Variants in AMOTL1 observed in about 807,000 individuals in gnomAD.
The protein encoded by AMOTL1 is angiomotin-like protein 1.
A neutral mutation model predicts 102.9 loss-of-function variants in AMOTL1; 45 were observed. The observed-to-expected ratio is 0.44, with a 90% CI of 0.34 to 0.56. The LOEUF is 0.56. Ranked by LOEUF, AMOTL1 falls within the 20% of genes least tolerant of loss-of-function variation. The probability of loss-of-function intolerance (pLI) is 0.01; values close to 1 mark genes in which losing one functional copy is unlikely to be tolerated. For synonymous variants in AMOTL1, 481 were observed against 484.7 expected (o/e 0.99, Z 0.10); for missense variants, 1,114 against 1,225.6 (o/e 0.91, Z 1.36).
upstream of AMOTL1, among the ~76,000 whole-genome samples, chr11:94,767,761 G>A (rs554660499): frequency 1.3e-5 from 2 of 152,192 alleles, no homozygotes; most frequent in African/African-American, 4.8e-5. Flanking sequence ...CTCTACTCAG[G>A]CAGATAACAG....
At chr11:94,790,898 A>G (rs189892769) in intron 1 of AMOTL1, among the ~76,000 whole-genome samples, 6 of 152,334 alleles carry the variant, frequency 3.9e-5, no homozygotes, top group African/African-American at 1.4e-4. Context: ...GGAGTGGCTC[A>G]CCACGGTTTC....
rs1950292450 is a variant in AMOTL1, at chr11:94,728,340, A to G, written c.-50-581A>G. Among the ~76,000 whole-genome samples, 2 of 152,136 alleles carry G rather than the reference A, an allele frequency of 1.3e-5. 1 individual carries two copies. Among genetic ancestry groups the G allele is most frequent in the Non-Finnish European group, 2.9e-5 (2 of 68,022 alleles). On this transcript the variant is annotated intron_variant, in intron 1 of 4. Coordinates refer to the AMOTL1 transcript ENST00000299004. The stretch of plus-strand genomic sequence containing the variant: ...AGAGCCCTTGTAACTGTGCCTTTCT[A>G]TTATAGTTTTCAAAAGGAAAAGGAA...
Position 94,799,242 on chromosome 11 carries a change from A to G in AMOTL1, c.200-148A>G. On this transcript the variant is annotated intron_variant, in intron 2 of 12. Transcript: ENST00000433060. The surrounding 1 kb of genome is among the most constrained non-coding windows in gnomAD (Gnocchi z 4.5). Reference sequence around the variant, plus strand: ...ATTGGAGAAGAAAATTCCATGAGACATTGCCAGGTAAATGGAGGTGATGAT... The same window carrying G: ...ATTGGAGAAGAAAATTCCATGAGACGTTGCCAGGTAAATGGAGGTGATGAT... 1.4e-6 allele frequency: 1 copy of G among 699,404 alleles called. No individual in the cohort carries two copies. Among genetic ancestry groups the G allele is most frequent in the Non-Finnish European group, 2.3e-6 (1 of 429,188 alleles). The allele number at this position is 699,404 out of a possible 1,614,324, so 43.3% of individuals were successfully genotyped here. A position where few individuals can be genotyped will look rare whatever the true frequency, so the allele number is the denominator to read the frequency against.
Position 94,795,105 on chromosome 11 carries a change from G to T in AMOTL1, c.144G>T (p.Arg48Ser). 4 of 1,613,910 alleles carry T rather than the reference G, an allele frequency of 2.5e-6. No individual in the cohort carries two copies. The highest frequency in any genetic ancestry group is 2.5e-6 in the Non-Finnish European group (3 of 1,179,844). ...FSPDFQLYSG[R>S]HETSALTVEA... Reference sequence around the variant, plus strand: ...CAGACTTTCAGCTCTATTCTGGGAGGCATGAAACATCTGCTTTGACGGTGG... The same window carrying T: ...CAGACTTTCAGCTCTATTCTGGGAGTCATGAAACATCTGCTTTGACGGTGG... The change falls in exon 2 of 13, where the codon AGG becomes AGT. Residue 48 changes from arginine to serine, a missense_variant. Transcript: ENST00000433060.
intron 1 of AMOTL1, among the ~76,000 whole-genome samples, chr11:94,711,758 T>G (rs1950025366): frequency 6.6e-6 from 1 of 152,152 alleles, no homozygotes; most frequent in African/African-American, 2.4e-5. Flanking sequence ...GTTATGCGTA[T>G]CAATAGTTGG....
intron 3 of AMOTL1, among the ~76,000 whole-genome samples, chr11:94,758,557 G>T (rs944526075): frequency 9.2e-5 from 14 of 152,120 alleles, no homozygotes; most frequent in Non-Finnish European, 1.9e-4. Context: ...GTGTTTAAAG[G>T]CAACAAAAGG....
rs977614205 is a variant in AMOTL1 at position 94,707,987 on chromosome 11, T to C, written c.-51+1390T>C. Among the ~76,000 whole-genome samples the C allele has an allele frequency of 2.6e-5, 4 of 152,096 alleles. No homozygotes were observed. In the East Asian group the frequency reaches 7.7e-4, roughly 29 times the overall value. On this transcript the variant is annotated intron_variant, in intron 1 of 4. Transcript: ENST00000299004. ...CTCCCAGCAGCATCCAGAATGATGGTTCTAAAATAATTGATCAGCACCTGC... is the reference window on the plus strand; with the variant it reads ...CTCCCAGCAGCATCCAGAATGATGGCTCTAAAATAATTGATCAGCACCTGC...
At chr11:94,790,704 G>A (rs1000245601) in intron 1 of AMOTL1, among the ~76,000 whole-genome samples, 4 of 152,130 alleles carry the variant, frequency 2.6e-5, no homozygotes, top group African/African-American at 4.8e-5. Context: ...GTGGCATGCC[G>A]GCAGTGGAAT....
chr11:94,853,592 C>T (rs1391818105), intron 7 of AMOTL1, among the ~76,000 whole-genome samples: 2 of 152,134 alleles, frequency 1.3e-5, no homozygotes, highest in African/African-American at 2.4e-5. Flanking sequence ...AATAAACATA[C>T]GTGCAAAAAC....
At chr11:94,817,258 AT>A (rs1189818804) in intron 3 of AMOTL1, among the ~76,000 whole-genome samples, 2 of 151,894 alleles carry the variant, frequency 1.3e-5, no homozygotes, top group African/African-American at 4.8e-5. Context: ...GGGCTAAATG[AT>A]TGACTTATTT....
At chr11:94,819,492 C>T (rs1289897678) in intron 3 of AMOTL1, among the ~76,000 whole-genome samples, 6 of 152,152 alleles carry the variant, frequency 3.9e-5, no homozygotes, top group African/African-American at 1.4e-4. Flanking sequence ...CTTTTACCCT[C>T]CTCTCACACG....
chr11:94,748,415 G>A (rs979595556), intron 3 of AMOTL1, among the ~76,000 whole-genome samples: 10 of 152,170 alleles, frequency 6.6e-5, no homozygotes, highest in South Asian at 2.1e-4. Context: ...CTTTAGTCAC[G>A]TGGCTACCCG....
At chr11:94,745,390 C>A (rs557589609) in intron 3 of AMOTL1, among the ~76,000 whole-genome samples, 233 of 152,064 alleles carry the variant, frequency 1.5e-3, no homozygotes, top group African/African-American at 5.4e-3. Flanking sequence ...CTTTCAGCCA[C>A]CAGTTATCTC....
chr11:94,843,271 T>A (rs1406847079), intron 6 of AMOTL1, among the ~76,000 whole-genome samples: 1 of 152,208 alleles, frequency 6.6e-6, no homozygotes, highest in Non-Finnish European at 1.5e-5. Flanking sequence ...ATAAGCCTCA[T>A]GTGAATAGAT....
At chr11:94,847,518 G>A (rs990087630) in intron 6 of AMOTL1, among the ~76,000 whole-genome samples, 2 of 151,964 alleles carry the variant, frequency 1.3e-5, no homozygotes, top group Non-Finnish European at 2.9e-5. Flanking sequence ...AAGCATCATC[G>A]TCATCAACAG....
chr11:94,843,321 A>AT (rs932251308), intron 6 of AMOTL1, among the ~76,000 whole-genome samples: 1 of 151,800 alleles, frequency 6.6e-6, no homozygotes, highest in Non-Finnish European at 1.5e-5. Flanking sequence ...TTTGGATTCT[A>AT]TTTTTTTTGA....
At position 94,868,618 on chromosome 11, in the gene AMOTL1, C is replaced by T. The variant is rs577389242; in HGVS notation, c.2489-580C>T. On this transcript the variant is annotated intron_variant, in intron 11 of 12. Transcript: ENST00000433060. ...AGCATGTTTATCTTTGAATCCAAGC[C>T]TGTGGGGGACCATCATCCATTACAA... 1.3e-5 allele frequency among the ~76,000 whole-genome samples: 2 copies of T among 152,290 alleles called. 1 individual carries two copies. The highest frequency in any genetic ancestry group is 4.1e-4 in the South Asian group (2 of 4,824).
intron 1 of AMOTL1, among the ~76,000 whole-genome samples, chr11:94,776,254 G>T (rs1191108343): frequency 2.6e-5 from 4 of 152,184 alleles, no homozygotes; most frequent in Non-Finnish European, 5.9e-5. Context: ...TCTGTAAACT[G>T]TAATAAGGTT....
chr11:94,759,571 C>CAAAA (rs59815376), intron 3 of AMOTL1, among the ~76,000 whole-genome samples: 26 of 129,862 alleles, frequency 2.0e-4, no homozygotes, highest in Middle Eastern at 3.9e-3. Flanking sequence ...CTTTTAGGTG[C>CAAAA]AAAAAAAAAA....
Sources: gnomAD v4.1 joint callset for allele counts (sites outside exome capture counted in the v4.1 genomes callset) on GRCh38, gnomAD v4.1.1 for gene constraint, Gnocchi (gnomAD v3.1) non-coding constraint, MANE v1.5 for transcripts, NCBI Gene and HGNC (gene_info 2026-07-23, HGNC 2026-07-21) for gene names.